Variants in GUCY1A2 observed in about 807,000 individuals in gnomAD.
The protein encoded by GUCY1A2 is guanylate cyclase 1 soluble subunit alpha 2.
In GUCY1A2, 27 loss-of-function variants were observed where a neutral mutation model predicts 63.5. The observed-to-expected ratio is 0.43, with a 90% confidence interval of 0.31 to 0.59. The LOEUF (loss-of-function observed/expected upper bound fraction) is 0.59, where lower values mean the gene tolerates loss of function less well. GUCY1A2 is among the 20% of genes least tolerant of loss of function. The probability of loss-of-function intolerance (pLI) is 0.11; values close to 1 mark genes in which losing one functional copy is unlikely to be tolerated. For synonymous variants in GUCY1A2, 364 were observed against 343.5 expected, an observed-to-expected ratio of 1.06 and a Z score of -0.66; for missense variants, 768 against 913.3, an observed-to-expected ratio of 0.84 and a Z score of 2.05.
intron 3 of GUCY1A2, among the ~76,000 whole-genome samples, chr11:106,940,875 T>A (rs1239018819): frequency 2.0e-5 from 3 of 152,216 alleles, no homozygotes; most frequent in African/African-American, 7.2e-5. Flanking sequence ...AATATCCAAG[T>A]TGCCTACATA....
intron 4 of GUCY1A2, chr11:106,936,691 G>A: frequency 6.5e-7 from 1 of 1,528,342 alleles, no homozygotes; most frequent in Non-Finnish European, 8.7e-7. Flanking sequence ...TGCGTCAGAT[G>A]CCCCTCGGTG....
chr11:106,859,876 C>T (rs953782905), intron 4 of GUCY1A2, among the ~76,000 whole-genome samples: 8 of 152,026 alleles, frequency 5.3e-5, no homozygotes, highest in African/African-American at 1.9e-4. Flanking sequence ...GTGCAGTAGG[C>T]TCTACCATCT....
chr11:107,018,061 C>T lies in GUCY1A2; in HGVS notation c.-6G>A, dbSNP rs896390832. ...GAAATCTTCCTTCGAGACATGCTGC[C>T]GGCGGAGCTGCAGCGGCCGAGGCGG... On this transcript the variant is annotated 5_prime_UTR_variant, in exon 1 of 8. Transcript: ENST00000526355. 11 of 1,446,942 alleles carry T rather than the reference C, an allele frequency of 7.6e-6. No individual in the cohort carries two copies. The Admixed American group carries it at 1.1e-4, about 14-fold the overall frequency. The allele number at this position is 1,446,942 out of a possible 1,614,324, so 89.6% of individuals were successfully genotyped here. A position where few individuals can be genotyped will look rare whatever the true frequency, so the allele number is the denominator to read the frequency against.
rs1317263335 is a variant in GUCY1A2, at chr11:106,677,930, TAAA to T, written c.*9616_*9618del. 1 of 200,348 alleles carries T rather than the reference TAAA, an allele frequency of 5.0e-6. No homozygotes were observed. Among genetic ancestry groups the T allele is most frequent in the Non-Finnish European group, 1.0e-5 (1 of 97,130 alleles). The allele number at this position is 200,348 out of a possible 1,614,324, so 12.4% of individuals were successfully genotyped here. A position where few individuals can be genotyped will look rare whatever the true frequency, so the allele number is the denominator to read the frequency against. On this transcript the variant is annotated 3_prime_UTR_variant, in exon 8 of 8. Coordinates refer to ENST00000526355, the MANE Select transcript of GUCY1A2 (RefSeq NM_000855.3). ...GCAGGAGAATTTTTTTTAGACAGAA[TAAA>T]ATTGTTTTTAAGGATCAAATGAAAA...
At chr11:106,736,813 G>A (rs1863597878) in intron 6 of GUCY1A2, among the ~76,000 whole-genome samples, 1 of 151,924 alleles carries the variant, frequency 6.6e-6, no homozygotes, top group Non-Finnish European at 1.5e-5. Flanking sequence ...TTTAAAGTCT[G>A]TAGTTTTTAA....
chr11:106,751,546 G>A (rs982458727), intron 6 of GUCY1A2, among the ~76,000 whole-genome samples: 1 of 152,102 alleles, frequency 6.6e-6, no homozygotes, highest in African/African-American at 2.4e-5. Context: ...GAATAGTACT[G>A]TATCACATCC....
At chr11:106,796,242 G>A (rs1287989935) in intron 5 of GUCY1A2, among the ~76,000 whole-genome samples, 2 of 152,110 alleles carry the variant, frequency 1.3e-5, no homozygotes, top group Admixed American at 6.6e-5. Flanking sequence ...GCACACTGAT[G>A]GGTCTTGACT....
At chr11:106,827,795 G>A in intron 4 of GUCY1A2, 4 of 1,570,446 alleles carry the variant, frequency 2.5e-6, no homozygotes, top group Non-Finnish European at 3.5e-6. Flanking sequence ...CTGATGGAAA[G>A]TGAGTAGCCA....
At chr11:106,798,129 T>C (rs914164415) in intron 5 of GUCY1A2, among the ~76,000 whole-genome samples, 1 of 152,068 alleles carries the variant, frequency 6.6e-6, no homozygotes, top group African/African-American at 2.4e-5. Context: ...GAGAATACTA[T>C]AAACACCTCT....
chr11:106,881,037 T>G (rs1454593310), intron 4 of GUCY1A2, among the ~76,000 whole-genome samples: 1 of 152,076 alleles, frequency 6.6e-6, no homozygotes, highest in Non-Finnish European at 1.5e-5. Flanking sequence ...AGGGGTAAAT[T>G]AAATTATCTC....
In GUCY1A2 at chr11:106,682,509, G is replaced by C; in HGVS notation, c.*5040C>G. The C allele has an allele frequency of 4.7e-6, 1 of 210,546 alleles. No homozygotes were observed. The highest frequency in any genetic ancestry group is 9.7e-6 in the Non-Finnish European group (1 of 103,618). The allele number at this position is 210,546 out of a possible 1,614,324, so 13.0% of individuals were successfully genotyped here. Reference sequence around the variant, plus strand: ...GAAGCCAGCCAGATACTTCCAAGCAGATCAGCTGAACCACTGAACTAGGTC... The same window carrying C: ...GAAGCCAGCCAGATACTTCCAAGCACATCAGCTGAACCACTGAACTAGGTC... On this transcript the variant is annotated 3_prime_UTR_variant, in exon 8 of 8. Transcript: ENST00000526355.
chr11:106,931,091 A>T (rs1013875314), intron 4 of GUCY1A2, among the ~76,000 whole-genome samples: 1 of 152,236 alleles, frequency 6.6e-6, no homozygotes, highest in Non-Finnish European at 1.5e-5. Flanking sequence ...TGAAGATTAT[A>T]AAAGACAACT....
intron 4 of GUCY1A2, among the ~76,000 whole-genome samples, chr11:106,850,454 A>G (rs1277379128): frequency 6.6e-6 from 1 of 151,682 alleles, no homozygotes; most frequent in East Asian, 1.9e-4. Context: ...CATTCCACCT[A>G]TCTAGCTGTA....
intron 6 of GUCY1A2, among the ~76,000 whole-genome samples, chr11:106,732,143 C>T (rs989370233): frequency 4.6e-5 from 7 of 151,506 alleles, no homozygotes; most frequent in Non-Finnish European, 1.0e-4. Context: ...CCTGCTATAG[C>T]AACCAAAACA....
chr11:107,009,350 T>C (rs953323149), intron 1 of GUCY1A2, among the ~76,000 whole-genome samples: 6 of 152,144 alleles, frequency 3.9e-5, no homozygotes, highest in African/African-American at 1.2e-4. Flanking sequence ...AACAAATCAC[T>C]CCTCCAAAAT....
At chr11:106,768,095 A>ATGAT (rs1330500786) in intron 6 of GUCY1A2, among the ~76,000 whole-genome samples, 4 of 152,168 alleles carry the variant, frequency 2.6e-5, no homozygotes, top group African/African-American at 7.2e-5. Flanking sequence ...AGTTTACAAA[A>ATGAT]TGATTGATAG....
At chr11:106,753,675 T>C (rs149698012) in intron 6 of GUCY1A2, among the ~76,000 whole-genome samples, 1 of 152,146 alleles carries the variant, frequency 6.6e-6, no homozygotes, top group Admixed American at 6.6e-5. Flanking sequence ...AGATGTGTGG[T>C]GTTATTTCTG....
intron 6 of GUCY1A2, among the ~76,000 whole-genome samples, chr11:106,732,274 A>G (rs1863518608): frequency 6.6e-6 from 1 of 152,126 alleles, no homozygotes; most frequent in Admixed American, 6.6e-5. Flanking sequence ...CAAGCAATAG[A>G]GAAAGGACTC....
At chr11:106,963,716 C>G (rs576813190) in intron 3 of GUCY1A2, among the ~76,000 whole-genome samples, 1 of 152,252 alleles carries the variant, frequency 6.6e-6, no homozygotes, top group Non-Finnish European at 1.5e-5. Flanking sequence ...ATAGGTGATA[C>G]TAGGAATTTA....
Sources: allele counts gnomAD v4.1 joint callset (sites outside exome capture counted in the v4.1 genomes callset), GRCh38; gene constraint gnomAD v4.1.1; transcripts MANE v1.5; gene names NCBI Gene and HGNC (gene_info 2026-07-23, HGNC 2026-07-21).